MSH3: variants seen among roughly 807,000 people sequenced by gnomAD.
MSH3 encodes the protein mutS homolog 3, also known as DNA mismatch repair protein Msh3.
Under a neutral mutation model 123.3 loss-of-function variants are expected in MSH3, and 106 were observed. That is an observed-to-expected ratio of 0.86 (90% CI 0.73 to 1.01). The LOEUF is 1.01. Ranked by LOEUF, MSH3 falls within the 50% of genes least tolerant of loss-of-function variation. The pLI, the probability that MSH3 is intolerant of heterozygous loss-of-function variation, is 0.00. For synonymous variants in MSH3, 515 were observed against 481.4 expected (o/e 1.07, Z -0.91); for missense variants, 1,459 against 1,347.6 (o/e 1.08, Z -1.29).
At chr5:80,696,000 G>A (rs543434922) in intron 8 of MSH3, among the ~76,000 whole-genome samples, 1 of 152,268 alleles carries the variant, frequency 6.6e-6, no homozygotes, top group Admixed American at 6.5e-5. Flanking sequence ...CCTCCTTATT[G>A]CCAGGTGGAG....
intron 16 of MSH3, 118 bp downstream of exon 16, chr5:80,775,876 T>A: frequency 1.5e-6 from 1 of 684,392 alleles, no homozygotes. Flanking sequence ...TTTTACTTAT[T>A]TTTTCTGATG....
intron 22 of MSH3, among the ~76,000 whole-genome samples, chr5:80,870,086 A>C (rs1050624114): frequency 6.6e-6 from 1 of 150,784 alleles, no homozygotes; most frequent in African/African-American, 2.4e-5. Flanking sequence ...AGGCAGGAGA[A>C]TCACTTAAAC....
chr5:80,760,696 A>G (rs926718747), intron 12 of MSH3, among the ~76,000 whole-genome samples: 1 of 152,228 alleles, frequency 6.6e-6, no homozygotes, highest in Non-Finnish European at 1.5e-5. Flanking sequence ...TCTTGCTAAT[A>G]TAAGTTCAAT....
At chr5:80,656,558 C>G (rs1293352484) in intron 2 of MSH3, 27 bp downstream of exon 2, 1 of 1,613,480 alleles carries the variant, frequency 6.2e-7, no homozygotes. Flanking sequence ...TCTTTTTTCT[C>G]CTCAGTCATG....
chr5:80,854,198 A>G lies in MSH3; in HGVS notation c.2882A>G (p.Glu961Gly), dbSNP rs2112106401. Residue 961 changes from glutamate (E) to glycine (G), a missense_variant, in exon 21 of 24, where the codon GAA (glutamate) becomes GGA (glycine). Transcript: ENST00000265081. ...ATGGAAGAACTGACTGACACAGCAG[A>G]AATAATCAGAAAAGCAACATCACAG... ...TFMEELTDTA[E>G]IIRKATSQSL... 1 of 1,613,914 alleles carries G rather than the reference A, an allele frequency of 6.2e-7. No individual in the cohort carries two copies. The highest frequency in any genetic ancestry group is 8.5e-7 in the Non-Finnish European group (1 of 1,179,868).
intron 8 of MSH3, among the ~76,000 whole-genome samples, chr5:80,692,739 C>G (rs1466551653): frequency 7.4e-6 from 1 of 134,922 alleles, no homozygotes; most frequent in Non-Finnish European, 1.6e-5. Context: ...TATACATACA[C>G]ATGTATATGT....
intron 2 of MSH3, among the ~76,000 whole-genome samples, chr5:80,661,902 C>A (rs1749441701): frequency 1.3e-5 from 2 of 151,908 alleles, no homozygotes; most frequent in East Asian, 1.9e-4. Context: ...TCTAGAGCAA[C>A]TTTAGTCACA....
At chr5:80,792,688 G>A in intron 18 of MSH3, 45 bp from the exon 19 acceptor site, 1 of 1,182,174 alleles carries the variant, frequency 8.5e-7, no homozygotes, top group South Asian at 1.3e-5. Flanking sequence ...TTTTTTTAAG[G>A]CTATTTCCAT....
intron 8 of MSH3, among the ~76,000 whole-genome samples, chr5:80,695,401 C>T (rs1750454658): frequency 6.6e-6 from 1 of 151,976 alleles, no homozygotes; most frequent in East Asian, 1.9e-4. Flanking sequence ...GTGGCATGAT[C>T]TCAGCTCACT....
intron 20 of MSH3, among the ~76,000 whole-genome samples, chr5:80,823,955 T>G (rs7708096): frequency 6.6e-6 from 1 of 152,014 alleles, no homozygotes; most frequent in East Asian, 1.9e-4. Flanking sequence ...TGCACCGCCC[T>G]TAATCCATTT....
At chr5:80,822,167 G>A (rs1745214034) in intron 20 of MSH3, among the ~76,000 whole-genome samples, 1 of 152,170 alleles carries the variant, frequency 6.6e-6, no homozygotes, top group African/African-American at 2.4e-5. Flanking sequence ...CCAGCATCCT[G>A]GCCATGTGCA....
At chr5:80,811,138 A>G (rs1399858808) in intron 19 of MSH3, among the ~76,000 whole-genome samples, 1 of 152,154 alleles carries the variant, frequency 6.6e-6, no homozygotes, top group African/African-American at 2.4e-5. Flanking sequence ...TGATTTTTGA[A>G]TACTGAAGTT....
Position 80,768,944 on chromosome 5 carries a change from G to A in MSH3, c.2194G>A (p.Glu732Lys), listed in dbSNP as rs369843843. Residue 732 changes from glutamate (E) to lysine (K), a missense_variant, in exon 15 of 24, where the codon GAA becomes AAA. By Grantham distance (56) the Glu-to-Lys change is moderately conservative (BLOSUM62 1). Coordinates refer to ENST00000265081, the MANE Select transcript of MSH3 (RefSeq NM_002439.5). ...TGACGAGATCCGAATGCATTTGCAAGAAATACGAAAAATACTAAAAAATCC... is the reference window on the plus strand; with the variant it reads ...TGACGAGATCCGAATGCATTTGCAAAAAATACGAAAAATACTAAAAAATCC... ...VIDEIRMHLQ[E>K]IRKILKNPSA... 7 of 1,612,860 alleles carry A rather than the reference G, an allele frequency of 4.3e-6. No homozygotes were observed. The African/African-American group carries it at 8.0e-5, about 18-fold the overall frequency.
At chr5:80,745,077 A>G (rs1172669380) in intron 12 of MSH3, among the ~76,000 whole-genome samples, 1 of 152,212 alleles carries the variant, frequency 6.6e-6, no homozygotes, top group African/African-American at 2.4e-5. Context: ...AAGAGGGGTT[A>G]GGTGTGAAAT....
intron 10 of MSH3, among the ~76,000 whole-genome samples, 180 bp downstream of exon 10, chr5:80,729,145 G>T (rs1743359064): frequency 6.6e-6 from 1 of 152,114 alleles, no homozygotes; most frequent in Admixed American, 6.5e-5. Context: ...GCTGGGCACG[G>T]TGGCTCATGC....
chr5:80,691,782 T>C lies in MSH3; in HGVS notation c.1340+12689T>C, dbSNP rs1050621709. ...ATATTTATATATGTACATATATATG[T>C]TTATATATTTATATAAATATATCTA... On this transcript the variant is annotated intron_variant, in intron 8 of 23. Transcript: ENST00000265081. 7.3e-5 allele frequency among the ~76,000 whole-genome samples: 5 copies of C among 68,870 alleles called. No homozygotes were observed. In the South Asian group the frequency reaches 1.5e-3, roughly 20 times the overall value. The allele number at this position is 68,870 out of a possible 152,430, so 45.2% of individuals were successfully genotyped here.
intron 19 of MSH3, among the ~76,000 whole-genome samples, chr5:80,804,783 C>T (rs1005930619): frequency 7.9e-5 from 12 of 152,192 alleles, no homozygotes; most frequent in African/African-American, 2.9e-4. Flanking sequence ...TGTCTGACTA[C>T]CATCTATGTT....
At chr5:80,729,430 A>AAAAAATG (rs1491210653) in intron 10 of MSH3, among the ~76,000 whole-genome samples, 1 of 78,376 alleles carries the variant, frequency 1.3e-5, no homozygotes, top group African/African-American at 5.6e-5. Context: ...AAAAAAAAAA[A>AAAAAATG]TGTGTGTGTG....
rs1275166539 is a variant in MSH3, at chr5:80,873,203, C to T, written c.3218C>T (p.Ala1073Val). The T allele has an allele frequency of 6.2e-7, 1 of 1,613,760 alleles. No homozygotes were observed. The highest frequency in any genetic ancestry group is 1.3e-5 in the African/African-American group (1 of 74,870). ...GCAAGGAGTTATGGATTAAATGTGG[C>T]TAAACTAGCAGATGTTCCTGGAGAA... ...IAARSYGLNV[A>V]KLADVPGEIL... The change falls in exon 23 of 24, where the codon GCT becomes GTT. Residue 1073 changes from alanine (A) to valine (V), a missense_variant. Coordinates refer to ENST00000265081, the MANE Select transcript of MSH3 (RefSeq NM_002439.5).
Sources: allele counts gnomAD v4.1 joint callset (sites outside exome capture counted in the v4.1 genomes callset), GRCh38; gene constraint gnomAD v4.1.1; transcripts MANE v1.5; gene names NCBI Gene and HGNC (gene_info 2026-07-23, HGNC 2026-07-21).